ZNF804A: variants seen among roughly 807,000 people sequenced by gnomAD.
The protein encoded by ZNF804A is zinc finger protein 804A.
Under a neutral mutation model 16.5 loss-of-function variants are expected in ZNF804A, and 2 were observed. The observed-to-expected ratio is 0.12, with a 90% CI of 0.05 to 0.38. The LOEUF (loss-of-function observed/expected upper bound fraction) is 0.38, where lower values mean the gene tolerates loss of function less well. Among genes scored for constraint, ZNF804A ranks in the 10% least tolerant of loss-of-function variants. The probability of loss-of-function intolerance (pLI) is 0.99; values close to 1 mark genes in which losing one functional copy is unlikely to be tolerated. For synonymous variants in ZNF804A, 534 were observed against 489.6 expected, an observed-to-expected ratio of 1.09 and a Z score of -1.20; for missense variants, 1,473 against 1,390.7, an observed-to-expected ratio of 1.06 and a Z score of -0.94.
chr2:184,932,335 A>G (rs1250349842), intron 2 of ZNF804A, among the ~76,000 whole-genome samples: 1 of 152,170 alleles, frequency 6.6e-6, no homozygotes, highest in Non-Finnish European at 1.5e-5. Flanking sequence ...AAAGAGGTTT[A>G]ATTGACTCAC....
In ZNF804A at chr2:184,933,752, T is replaced by C; in HGVS notation, c.386+19T>C. On this transcript the variant is annotated intron_variant, in intron 3 of 3. Coordinates refer to ENST00000302277, the MANE Select transcript of ZNF804A (RefSeq NM_194250.2). ...CTGTATGGTGAGTATCCAATGAAATTGTAAGTTTTCTTAAAACATGACCAA... is the reference window on the plus strand; with the variant it reads ...CTGTATGGTGAGTATCCAATGAAATCGTAAGTTTTCTTAAAACATGACCAA... 1 of 1,587,394 alleles carries C rather than the reference T, an allele frequency of 6.3e-7. No individual in the cohort carries two copies. The highest frequency in any genetic ancestry group is 1.2e-5 in the South Asian group (1 of 85,430).
At chr2:184,643,907 G>A (rs536131014) in intron 1 of ZNF804A, among the ~76,000 whole-genome samples, 19 of 151,546 alleles carry the variant, frequency 1.3e-4, no homozygotes, top group South Asian at 1.2e-3. Context: ...CCATGCATTC[G>A]TGTATCCTAT....
At chr2:184,919,726 T>C (rs542639902) in intron 2 of ZNF804A, among the ~76,000 whole-genome samples, 1 of 152,254 alleles carries the variant, frequency 6.6e-6, no homozygotes, top group South Asian at 2.1e-4. Flanking sequence ...TCTCAGTATT[T>C]CTCCTTCCAA....
chr2:184,811,621 G>T (rs1694904216), intron 1 of ZNF804A, among the ~76,000 whole-genome samples: 1 of 152,124 alleles, frequency 6.6e-6, no homozygotes, highest in South Asian at 2.1e-4. Context: ...GCTGAGGCAA[G>T]AAAATCCCTT....
intron 1 of ZNF804A, among the ~76,000 whole-genome samples, chr2:184,803,836 T>C (rs1694760529): frequency 6.6e-6 from 1 of 151,854 alleles, no homozygotes; most frequent in African/African-American, 2.4e-5. Flanking sequence ...CTCTGCTGTG[T>C]TTATATCCTC....
chr2:184,792,187 G>A (rs564739456), intron 1 of ZNF804A, among the ~76,000 whole-genome samples: 230 of 152,276 alleles, frequency 1.5e-3, no homozygotes, highest in African/African-American at 5.2e-3. Flanking sequence ...ACCCAGGAAT[G>A]CAACTGCTGG....
chr2:184,761,392 G>T (rs1694034465), intron 1 of ZNF804A, among the ~76,000 whole-genome samples: 1 of 152,070 alleles, frequency 6.6e-6, no homozygotes, highest in South Asian at 2.1e-4. Context: ...TGTTCAGCCA[G>T]GTAAGGCTCA....
intron 1 of ZNF804A, among the ~76,000 whole-genome samples, chr2:184,824,170 C>G (rs1695126338): frequency 6.6e-6 from 1 of 152,078 alleles, no homozygotes; most frequent in African/African-American, 2.4e-5. Context: ...TGAGACACAG[C>G]TGGTTATGTT....
intron 1 of ZNF804A, among the ~76,000 whole-genome samples, chr2:184,813,996 T>TTA (rs1694939054): frequency 1.0e-5 from 1 of 100,044 alleles, no homozygotes; most frequent in African/African-American, 4.8e-5. Flanking sequence ...AAGGCAGCTT[T>TTA]TTTTTTTTTT....
At chr2:184,842,658 A>G (rs1158595896) in intron 1 of ZNF804A, among the ~76,000 whole-genome samples, 2 of 152,122 alleles carry the variant, frequency 1.3e-5, no homozygotes, top group African/African-American at 2.4e-5. Context: ...ATAACAATGA[A>G]AAAATAATAA....
At chr2:184,874,926 T>C (rs1459485915) in intron 2 of ZNF804A, among the ~76,000 whole-genome samples, 1 of 152,192 alleles carries the variant, frequency 6.6e-6, no homozygotes, top group Non-Finnish European at 1.5e-5. Context: ...AATAGTTAAA[T>C]TATTATTGTA....
chr2:184,720,192 AC>A (rs1693287379), intron 1 of ZNF804A, among the ~76,000 whole-genome samples: 1 of 151,654 alleles, frequency 6.6e-6, no homozygotes, highest in East Asian at 1.9e-4. Flanking sequence ...TGCAGGAAAA[AC>A]CCGCTCCCAT....
At chr2:184,879,341 C>G (rs1684769887) in intron 2 of ZNF804A, among the ~76,000 whole-genome samples, 1 of 152,006 alleles carries the variant, frequency 6.6e-6, no homozygotes, top group Admixed American at 6.6e-5. Context: ...TATGGTCACA[C>G]TGTAGGAAAG....
chr2:184,808,071 T>C (rs1694838861), intron 1 of ZNF804A, among the ~76,000 whole-genome samples: 1 of 151,668 alleles, frequency 6.6e-6, no homozygotes, highest in African/African-American at 2.4e-5. Context: ...CTTTATGGGA[T>C]GAATCTAATT....
At chr2:184,891,709 T>C (rs984767893) in intron 2 of ZNF804A, among the ~76,000 whole-genome samples, 16 of 152,198 alleles carry the variant, frequency 1.1e-4, no homozygotes, top group Non-Finnish European at 1.8e-4. Flanking sequence ...ATGGAAAACA[T>C]ATTTTTTGTT....
intron 1 of ZNF804A, among the ~76,000 whole-genome samples, chr2:184,739,814 C>A (rs1167506891): frequency 6.6e-6 from 1 of 152,148 alleles, no homozygotes; most frequent in African/African-American, 2.4e-5. Context: ...CATGTTTTAG[C>A]CTTTTTGTCT....
At chr2:184,638,325 G>T (rs1691735870) in intron 1 of ZNF804A, among the ~76,000 whole-genome samples, 1 of 152,156 alleles carries the variant, frequency 6.6e-6, no homozygotes, top group South Asian at 2.1e-4. Context: ...TGCAGACTTT[G>T]TATGTGGATC....
chr2:184,776,597 C>T (rs746708939), intron 1 of ZNF804A, among the ~76,000 whole-genome samples: 1 of 151,250 alleles, frequency 6.6e-6, no homozygotes, highest in Admixed American at 6.6e-5. Context: ...TCTGAGACAC[C>T]TTCCATTGTC....
chr2:184,640,880 AGACT>A (rs1691785786), intron 1 of ZNF804A, among the ~76,000 whole-genome samples: 1 of 152,192 alleles, frequency 6.6e-6, no homozygotes, highest in Non-Finnish European at 1.5e-5. Context: ...TAAGATGAAA[AGACT>A]GACTTATTTC....
Sources: allele counts gnomAD v4.1 joint callset (sites outside exome capture counted in the v4.1 genomes callset), GRCh38; gene constraint gnomAD v4.1.1; transcripts MANE v1.5; gene names NCBI Gene and HGNC (gene_info 2026-07-23, HGNC 2026-07-21).